Variants in BRD7 observed in about 807,000 individuals in gnomAD.
BRD7 encodes the protein bromodomain containing 7, also known as bromodomain-containing protein 7.
Under a neutral mutation model 82.1 loss-of-function variants are expected in BRD7, and 15 were observed. That is an observed-to-expected ratio of 0.18 (90% confidence interval 0.12 to 0.28). The LOEUF is 0.28. BRD7 is among the 10% of genes least tolerant of loss of function. The probability of loss-of-function intolerance (pLI) is 1.00; values close to 1 mark genes in which losing one functional copy is unlikely to be tolerated. For synonymous variants in BRD7, 232 were observed against 266.9 expected (o/e 0.87, Z 1.27); for missense variants, 638 against 779.9 (o/e 0.82, Z 2.17).
At chr16:50,340,542 G>A (rs747152198) in intron 5 of BRD7, among the ~76,000 whole-genome samples, 13 of 152,166 alleles carry the variant, frequency 8.5e-5, no homozygotes, top group Non-Finnish European at 1.9e-4. Flanking sequence ...GATCTTGACT[G>A]AAAACGGAGC....
intron 1 of BRD7, 49 bp downstream of exon 1, chr16:50,368,677 C>T (rs1397709315): frequency 2.0e-6 from 3 of 1,531,510 alleles, no homozygotes; most frequent in South Asian, 1.2e-5. Flanking sequence ...AGCGGAAGCC[C>T]GGCAGAGCCG....
intron 7 of BRD7, among the ~76,000 whole-genome samples, chr16:50,334,088 G>GTT (rs2037687933): frequency 1.3e-5 from 2 of 152,204 alleles, no homozygotes; most frequent in Admixed American, 1.3e-4. Context: ...CTTGTCACTA[G>GTT]TTTACTTTCT....
intron 5 of BRD7, among the ~76,000 whole-genome samples, chr16:50,348,354 A>T (rs1460848706): frequency 6.6e-6 from 1 of 152,226 alleles, no homozygotes; most frequent in Non-Finnish European, 1.5e-5. Context: ...GGCATGGGCA[A>T]GGACTTCATG....
intron 11 of BRD7, among the ~76,000 whole-genome samples, chr16:50,324,808 A>C (rs978054541): frequency 1.3e-5 from 2 of 152,238 alleles, no homozygotes; most frequent in Admixed American, 6.5e-5. Flanking sequence ...GGCCTTTGCC[A>C]GTGTTGTTCC....
chr16:50,339,264 T>TAA (rs2037946406), intron 6 of BRD7, among the ~76,000 whole-genome samples: 1 of 152,230 alleles, frequency 6.6e-6, no homozygotes, highest in African/African-American at 2.4e-5. Flanking sequence ...ACATGTAGCT[T>TAA]AATGAAGGGA....
At position 50,333,606 on chromosome 16, in the gene BRD7, C is replaced by T; in HGVS notation, c.979G>A (p.Gly327Arg). The T allele has an allele frequency of 6.2e-7, 1 of 1,611,940 alleles. No individual in the cohort carries two copies. Among genetic ancestry groups the T allele is most frequent in the Non-Finnish European group, 8.5e-7 (1 of 1,179,838 alleles). Residue 327 changes from glycine to arginine, a missense_variant, in exon 8 of 17, where the codon GGA becomes AGA. Transcript: ENST00000394688. ...TTCACAAGCCGCCTGGTCAGCTTTC[C>T]TCCAGATTCCTTCACGATGCGGTCA... Reference protein sequence around the residue: ...QLDRIVKESGGKLTRRLVNSQ... With the variant: ...QLDRIVKESGRKLTRRLVNSQ...
intron 6 of BRD7, among the ~76,000 whole-genome samples, chr16:50,339,214 T>C (rs2037943357): frequency 6.6e-6 from 1 of 152,234 alleles, no homozygotes; most frequent in Non-Finnish European, 1.5e-5. Context: ...GAGAGGTGGT[T>C]TTGAGACAGT....
rs1447887641 is a variant in BRD7 at position 50,341,176 on chromosome 16, G to GTACACA, written c.592-1096_592-1091dup. 1.4e-3 allele frequency among the ~76,000 whole-genome samples: 118 copies of GTACACA among 84,048 alleles called. 1 individual carries two copies. Among genetic ancestry groups the GTACACA allele is most frequent in the Admixed American group, 7.5e-3 (66 of 8,808 alleles). 55.1% of individuals were successfully genotyped at this position (84,048 alleles called of 152,430 possible). ...TGAAAGCTATGGGACCAGACCTTAA[G>GTACACA]TACACACACACACACACACACACAC... On this transcript the variant is annotated intron_variant, in intron 5 of 16. Transcript: ENST00000394688.
intron 12 of BRD7, 21 bp from the exon 13 acceptor site, chr16:50,322,059 A>AT (rs754566546): frequency 2.1e-5 from 33 of 1,580,984 alleles, no homozygotes; most frequent in Non-Finnish European, 2.8e-5. Flanking sequence ...GAAGAAAAAC[A>AT]GCTTTTTAGG....
chr16:50,333,852 T>C (rs1426121036), intron 7 of BRD7, among the ~76,000 whole-genome samples, 155 bp from the exon 8 acceptor site: 1 of 152,224 alleles, frequency 6.6e-6, no homozygotes. Context: ...GTTAAGGGTC[T>C]CTAATTTAAG....
intron 2 of BRD7, among the ~76,000 whole-genome samples, chr16:50,359,490 C>T (rs981585108): frequency 2.6e-5 from 4 of 152,214 alleles, no homozygotes; most frequent in African/African-American, 9.6e-5. Context: ...TACTGTGTGG[C>T]TATATAGTGA....
At chr16:50,358,750 T>C (rs2038835793) in intron 2 of BRD7, among the ~76,000 whole-genome samples, 1 of 152,146 alleles carries the variant, frequency 6.6e-6, no homozygotes, top group African/African-American at 2.4e-5. Flanking sequence ...AACCACTTTA[T>C]CATTCAGTAA....
chr16:50,328,615 A>T, intron 9 of BRD7, 54 bp downstream of exon 9: 1 of 1,485,208 alleles, frequency 6.7e-7, no homozygotes, highest in East Asian at 2.3e-5. Context: ...AACCCAGGTT[A>T]CTGTTCTCTG....
rs1305486620 is a variant in BRD7 at position 50,368,925 on chromosome 16, T to A, written c.-151A>T. ...GGGCGGCGCGCGCCGGGCGGCGCGA[T>A]GCCCCTCTCGAGAAGACGGCGCGCG... On this transcript the variant is annotated 5_prime_UTR_variant, in exon 1 of 17. Transcript: ENST00000394688. The A allele has an allele frequency of 4.0e-6, 1 of 252,162 alleles. No homozygotes were observed. Among genetic ancestry groups the A allele is most frequent in the African/African-American group, 2.4e-5 (1 of 42,208 alleles). 15.6% of individuals were successfully genotyped at this position (252,162 alleles called of 1,614,324 possible).
intron 6 of BRD7, among the ~76,000 whole-genome samples, chr16:50,338,867 TG>T (rs2037927942): frequency 2.0e-5 from 3 of 152,190 alleles, no homozygotes; most frequent in African/African-American, 7.2e-5. Context: ...TATGGTATGG[TG>T]CCAGGATCAC....
In BRD7 at chr16:50,319,911, T is replaced by C. The variant is rs1233926875; in HGVS notation, c.1876A>G (p.Asn626Asp). The C allele has an allele frequency of 4.3e-6, 7 of 1,612,208 alleles. No individual in the cohort carries two copies. Among genetic ancestry groups the C allele is most frequent in the South Asian group, 3.3e-5 (3 of 90,992 alleles). The change falls in exon 16 of 17, where the codon AAC (asparagine) becomes GAC (aspartate). Residue 626 changes from asparagine to aspartate, a missense_variant. Physicochemically the swap from Asn to Asp is conservative, Grantham distance 23 (BLOSUM62 1). Around this residue, in one of 3 missense-constraint regions of BRD7, gnomAD observed 402 missense variants for 500.8 expected, o/e 0.80. Coordinates refer to ENST00000394688, the MANE Select transcript of BRD7 (RefSeq NM_013263.5). Reference protein sequence around the residue: ...GISIPSPVMENNFVDLTEDTE... With the variant: ...GISIPSPVMEDNFVDLTEDTE... ...CCTTCTGTCAAATCCACAAAGTTGT[T>C]TTCCATGACGGGGGAAGGAATGGAA...
chr16:50,319,369 C>A, intron 16 of BRD7, 103 bp from the exon 17 acceptor site: 1 of 1,016,506 alleles, frequency 9.8e-7, no homozygotes, highest in Admixed American at 2.2e-5. Context: ...CTGCTGAGAG[C>A]CCTTCTTCAC....
chr16:50,357,341 T>C (rs1268298074), intron 2 of BRD7, among the ~76,000 whole-genome samples: 3 of 152,240 alleles, frequency 2.0e-5, no homozygotes, highest in Admixed American at 2.0e-4. Flanking sequence ...GTTTTAAAAG[T>C]TCCAGAGAGC....
At chr16:50,331,179 A>C (rs2037550029) in intron 8 of BRD7, among the ~76,000 whole-genome samples, 1 of 152,334 alleles carries the variant, frequency 6.6e-6, no homozygotes, top group Non-Finnish European at 1.5e-5. Context: ...ATATGACACA[A>C]ATGGAAAAAC....
Sources: allele counts gnomAD v4.1 joint callset (sites outside exome capture counted in the v4.1 genomes callset), GRCh38; gene constraint gnomAD v4.1.1; regional missense constraint gnomAD v4.1.1; transcripts MANE v1.5; gene names NCBI Gene and HGNC (gene_info 2026-07-23, HGNC 2026-07-21).